IGFL4: variants seen among roughly 807,000 people sequenced by gnomAD.
IGFL4 encodes insulin growth factor-like family member 4.
A neutral mutation model predicts 15.4 loss-of-function variants in IGFL4; 12 were observed. The observed-to-expected ratio is 0.78, with a 90% CI of 0.50 to 1.26. The LOEUF is 1.26. Ranked by LOEUF, IGFL4 falls within the 50% of genes most tolerant of loss-of-function variation. The pLI, the probability that IGFL4 is intolerant of heterozygous loss-of-function variation, is 0.00. For synonymous variants in IGFL4, 54 were observed against 55.9 expected (o/e 0.97, Z 0.16); for missense variants, 126 against 147.8 (o/e 0.85, Z 0.76).
Position 46,040,216 on chromosome 19 carries a change from T to C in IGFL4, c.271A>G (p.Lys91Glu), listed in dbSNP as rs146900491. 168 of 1,614,140 alleles carry C rather than the reference T, an allele frequency of 1.0e-4. No homozygotes were observed. The African/African-American group carries it at 2.1e-3, about 21-fold the overall frequency. The change falls in exon 3 of 4, where the codon AAG becomes GAG. Residue 91 changes from lysine (K) to glutamate (E), a missense_variant. Transcript: ENST00000377697. This position sits in a 1 kb window ranked among gnomAD's most constrained non-coding sequence, Gnocchi z 4.1. Reference protein sequence around the residue: ...GSQNQTVVRFKVPGMKPDCKS... With the variant: ...GSQNQTVVRFEVPGMKPDCKS... ...CAATCTGGCTTCATGCCTGGGACCTTGAACCTCACAACTGTCTGGTTCTGA... is the reference window on the plus strand; with the variant it reads ...CAATCTGGCTTCATGCCTGGGACCTCGAACCTCACAACTGTCTGGTTCTGA...
At chr19:46,045,198 A>T (rs760246072), upstream of IGFL4, among the ~76,000 whole-genome samples, 24 of 152,174 alleles carry the variant, frequency 1.6e-4, no homozygotes, top group Non-Finnish European at 2.9e-4. Context: ...TAATCCCAGC[A>T]CTTTGGGAGG....
chr19:46,046,821 C>T (rs887199512), intron 2 of IGFL4, among the ~76,000 whole-genome samples: 4 of 152,198 alleles, frequency 2.6e-5, no homozygotes, highest in Non-Finnish European at 5.9e-5. Context: ...AATACTTTAA[C>T]ACCCACTGTC....
At chr19:46,044,589 G>A (rs192818179), upstream of IGFL4, among the ~76,000 whole-genome samples, 665 of 152,264 alleles carry the variant, frequency 4.4e-3, 6 homozygotes, top group African/African-American at 0.015. Context: ...GAATACAAAT[G>A]GTCCAGATGA....
upstream of IGFL4, among the ~76,000 whole-genome samples, chr19:46,042,928 C>T (rs1393968025): frequency 6.6e-6 from 1 of 152,192 alleles, no homozygotes; most frequent in Non-Finnish European, 1.5e-5. Flanking sequence ...CATGACCTCA[C>T]GTTCTGGGAA....
At chr19:46,048,175 T>C (rs934602357) in intron 2 of IGFL4, among the ~76,000 whole-genome samples, 1 of 152,222 alleles carries the variant, frequency 6.6e-6, no homozygotes, top group African/African-American at 2.4e-5. Context: ...ACACACATGA[T>C]TATCTCAATA....
At chr19:46,048,488 T>C (rs1188795037) in intron 2 of IGFL4, among the ~76,000 whole-genome samples, 1 of 152,162 alleles carries the variant, frequency 6.6e-6, no homozygotes, top group African/African-American at 2.4e-5. Context: ...TTATCTTGTT[T>C]GCAGATACAT....
Position 46,040,986 on chromosome 19 carries a change from C to T in IGFL4, c.-24G>A, listed in dbSNP as rs145399842. The stretch of plus-strand genomic sequence containing the variant: ...ATGGGTTAGGCTTCAGAGCAGCGGA[C>T]GAGGGAGCAGCAGTGGAAATGGGTC... On this transcript the variant is annotated 5_prime_UTR_variant, in exon 1 of 4. Transcript: ENST00000377697. This position sits in a 1 kb window ranked among gnomAD's most constrained non-coding sequence, Gnocchi z 4.1. 3.8e-4 allele frequency: 603 copies of T among 1,575,364 alleles called. 3 individuals carry two copies. The African/African-American group carries it at 7.4e-3, about 19-fold the overall frequency.
intron 2 of IGFL4, among the ~76,000 whole-genome samples, chr19:46,054,167 CATAAG>C (rs950029866): frequency 2.6e-4 from 39 of 152,146 alleles, no homozygotes; most frequent in African/African-American, 9.2e-4. Context: ...AGGTTTTATT[CATAAG>C]ATATTTTCTC....
At chr19:46,063,937 T>G (rs1004082415) in intron 1 of IGFL4, among the ~76,000 whole-genome samples, 1 of 152,130 alleles carries the variant, frequency 6.6e-6, no homozygotes. Flanking sequence ...GCAGGCATAG[T>G]GGCACGTGCC....
At chr19:46,042,317 C>T (rs1423336552), upstream of IGFL4, among the ~76,000 whole-genome samples, 1 of 152,216 alleles carries the variant, frequency 6.6e-6, no homozygotes, top group African/African-American at 2.4e-5. Flanking sequence ...TGTAAAGACA[C>T]ATTCTCTCAC....
chr19:46,047,145 A>G (rs1953883584), intron 2 of IGFL4, among the ~76,000 whole-genome samples: 1 of 152,264 alleles, frequency 6.6e-6, no homozygotes, highest in East Asian at 1.9e-4. Context: ...CTGCTCCTGA[A>G]TAACTCTTGG....
At chr19:46,055,795 C>A (rs532119424) in intron 2 of IGFL4, among the ~76,000 whole-genome samples, 3 of 151,266 alleles carry the variant, frequency 2.0e-5, no homozygotes, top group Non-Finnish European at 2.9e-5. Flanking sequence ...TTTTTTTTGA[C>A]GAAGTCTTAC....
intron 2 of IGFL4, among the ~76,000 whole-genome samples, chr19:46,051,469 C>T (rs1969344204): frequency 6.6e-6 from 1 of 152,056 alleles, no homozygotes; most frequent in Non-Finnish European, 1.5e-5. Flanking sequence ...CACTTGCACC[C>T]GGGAGGCAGA....
upstream of IGFL4, among the ~76,000 whole-genome samples, chr19:46,077,567 G>C (rs1275709859): frequency 2.0e-5 from 3 of 152,340 alleles, no homozygotes; most frequent in Non-Finnish European, 4.4e-5. This position sits in a 1 kb window ranked among gnomAD's most constrained non-coding sequence, Gnocchi z 5.4. Context: ...AGTCGCAATA[G>C]CCAGTGATCA....
chr19:46,044,005 A>G (rs532398780), upstream of IGFL4, among the ~76,000 whole-genome samples: 10 of 152,244 alleles, frequency 6.6e-5, no homozygotes, highest in South Asian at 2.1e-3. Flanking sequence ...CTTCAACTGA[A>G]ATATACAGGT....
chr19:46,060,577 T>G (rs1316635781), intron 1 of IGFL4, among the ~76,000 whole-genome samples: 1 of 152,210 alleles, frequency 6.6e-6, no homozygotes, highest in Non-Finnish European at 1.5e-5. Flanking sequence ...GATCTGTGGA[T>G]GACATAAAGT....
chr19:46,072,056 A>G (rs554811152), intron 1 of IGFL4, among the ~76,000 whole-genome samples: 5 of 152,328 alleles, frequency 3.3e-5, no homozygotes, highest in Admixed American at 1.3e-4. Flanking sequence ...GGATTCTCCA[A>G]CTTACAGCCA....
chr19:46,064,516 A>C (rs1437245097), intron 1 of IGFL4, among the ~76,000 whole-genome samples: 1 of 151,926 alleles, frequency 6.6e-6, no homozygotes, highest in East Asian at 1.9e-4. Context: ...TCTAATCTCT[A>C]TCTCCATGAG....
At chr19:46,067,584 C>T (rs1271621272) in intron 1 of IGFL4, among the ~76,000 whole-genome samples, 4 of 152,122 alleles carry the variant, frequency 2.6e-5, no homozygotes, top group East Asian at 1.9e-4. Context: ...GTCTCATTGC[C>T]GACCCCATTC....
Sources: allele counts gnomAD v4.1 joint callset (sites outside exome capture counted in the v4.1 genomes callset), GRCh38; gene constraint gnomAD v4.1.1; non-coding constraint Gnocchi (gnomAD v3.1); transcripts MANE v1.5; gene names NCBI Gene and HGNC (gene_info 2026-07-23, HGNC 2026-07-21).